Variants in RIMBP2 observed in about 807,000 individuals in gnomAD.
RIMBP2 encodes RIMS-binding protein 2.
RIMBP2 carries 48 observed loss-of-function variants against 118.6 expected under a neutral mutation model. The ratio of observed to expected loss-of-function variants is 0.40; its 90% CI spans 0.32 to 0.51. RIMBP2 has a LOEUF of 0.51. Ranked by LOEUF, RIMBP2 falls within the 20% of genes least tolerant of loss-of-function variation. RIMBP2 has a pLI of 0.41. For synonymous variants in RIMBP2, 762 were observed against 742.9 expected (o/e 1.03, Z -0.42); for missense variants, 1,551 against 1,768.3 (o/e 0.88, Z 2.20).
intron 1 of RIMBP2, among the ~76,000 whole-genome samples, chr12:130,672,871 C>T (rs956564678): frequency 3.3e-5 from 5 of 152,188 alleles, no homozygotes; most frequent in Admixed American, 6.5e-5. Flanking sequence ...GAAAACACAG[C>T]GTTTACAGGC....
intron 18 of RIMBP2, 64 bp from the exon 19 acceptor site, chr12:130,412,851 C>T: frequency 2.7e-6 from 4 of 1,455,926 alleles, no homozygotes; most frequent in Non-Finnish European, 3.7e-6. Flanking sequence ...ACAATAGTCC[C>T]ACTGACGGTA....
intron 5 of RIMBP2, 60 bp from the exon 6 acceptor site, chr12:130,470,803 G>T: frequency 9.9e-7 from 1 of 1,005,252 alleles, no homozygotes; most frequent in South Asian, 5.1e-5. Context: ...AAGACAATCG[G>T]ATCAATGTCT....
chr12:130,589,829 T>C (rs1278722551), intron 2 of RIMBP2, among the ~76,000 whole-genome samples: 1 of 152,316 alleles, frequency 6.6e-6, no homozygotes, highest in African/African-American at 2.4e-5. Flanking sequence ...AGAGCCTACC[T>C]TGAAGCCAGG....
At chr12:130,709,842 C>T (rs1949776266) in intron 1 of RIMBP2, among the ~76,000 whole-genome samples, 1 of 152,146 alleles carries the variant, frequency 6.6e-6, no homozygotes. Context: ...CACCCCCAGG[C>T]CCCCTCAGGA....
intron 2 of RIMBP2, among the ~76,000 whole-genome samples, chr12:130,605,297 CTGAT>C (rs1257739080): frequency 2.0e-5 from 3 of 152,140 alleles, no homozygotes; most frequent in Non-Finnish European, 2.9e-5. Context: ...CTTGTAATGC[CTGAT>C]TTATTTTTAA....
chr12:130,398,447 A>C (rs1421583368), intron 22 of RIMBP2: 1 of 152,704 alleles, frequency 6.5e-6, no homozygotes, highest in African/African-American at 2.4e-5. Context: ...AGCATCCCAA[A>C]GTACACCTGA....
rs554655450 is a variant in RIMBP2 at position 130,608,074 on chromosome 12, G to A, written c.-217+20248C>T. On this transcript the variant is annotated intron_variant, in intron 2 of 22. Coordinates refer to ENST00000690449, the MANE Select transcript of RIMBP2 (RefSeq NM_001393629.1). Reference sequence around the variant, plus strand: ...TCCTTGATTCACTCAAAGATTCAGCGTCCTAGGACAGCGCTTCCAGTCAAC... The same window carrying A: ...TCCTTGATTCACTCAAAGATTCAGCATCCTAGGACAGCGCTTCCAGTCAAC... 8.5e-5 allele frequency among the ~76,000 whole-genome samples: 13 copies of A among 152,264 alleles called. No individual in the cohort carries two copies. The South Asian group carries it at 1.0e-3, about 12-fold the overall frequency.
At chr12:130,412,848 T>G in intron 18 of RIMBP2, 61 bp from the exon 19 acceptor site, 5 of 1,469,810 alleles carry the variant, frequency 3.4e-6, no homozygotes, top group Non-Finnish European at 3.7e-6. Context: ...AATACAATAG[T>G]CCCACTGACG....
chr12:130,441,317 C>T (rs1373879075), intron 11 of RIMBP2, among the ~76,000 whole-genome samples: 1 of 151,540 alleles, frequency 6.6e-6, no homozygotes, highest in East Asian at 1.9e-4. Context: ...AGGAGAATCG[C>T]TTGAAATTGG....
At position 130,506,713 on chromosome 12, in the gene RIMBP2, C is replaced by T. The variant is rs543360429; in HGVS notation, c.-69G>A. 5.1e-6 allele frequency: 5 copies of T among 985,738 alleles called. No individual in the cohort carries two copies. Among genetic ancestry groups the T allele is most frequent in the Non-Finnish European group, 6.0e-6 (5 of 829,942 alleles). The allele number at this position is 985,738 out of a possible 1,614,324, so 61.1% of individuals were successfully genotyped here. A position where few individuals can be genotyped will look rare whatever the true frequency, so the allele number is the denominator to read the frequency against. ...TGGTGTTTCTCCTTCACGGCCAAATCGCGCTCTCTGGTCACGAGGGTGAGC... is the reference window on the plus strand; with the variant it reads ...TGGTGTTTCTCCTTCACGGCCAAATTGCGCTCTCTGGTCACGAGGGTGAGC... On this transcript the variant is annotated 5_prime_UTR_variant, in exon 4 of 23. Coordinates refer to ENST00000690449, the MANE Select transcript of RIMBP2 (RefSeq NM_001393629.1).
chr12:130,442,687 A>C lies in RIMBP2; in HGVS notation c.692-27T>G, dbSNP rs749167434. 1 of 1,591,000 alleles carries C rather than the reference A, an allele frequency of 6.3e-7. No homozygotes were observed. ...TGTTGGGTACAAGGACAGAGTTATC[A>C]CCCAGCCAACACAGCAGGGGCCTCG... On this transcript the variant is annotated intron_variant, in intron 10 of 22. Transcript: ENST00000690449. This position sits in a 1 kb window ranked among gnomAD's most constrained non-coding sequence, Gnocchi z 6.9.
chr12:130,402,851 G>T (rs1381597858), intron 21 of RIMBP2, among the ~76,000 whole-genome samples: 1 of 152,196 alleles, frequency 6.6e-6, no homozygotes. Context: ...GACATAGGAA[G>T]GTACAGGATT....
intron 1 of RIMBP2, among the ~76,000 whole-genome samples, chr12:130,678,360 A>G (rs2064600740): frequency 6.6e-6 from 1 of 152,244 alleles, no homozygotes; most frequent in Non-Finnish European, 1.5e-5. Flanking sequence ...CCGTCAGCGG[A>G]TAGGTGGACG....
chr12:130,416,140 C>T (rs939390798), intron 17 of RIMBP2, among the ~76,000 whole-genome samples: 6 of 152,176 alleles, frequency 3.9e-5, no homozygotes, highest in Admixed American at 2.0e-4. Context: ...ATTAAAGTAG[C>T]CATATTGCCC....
chr12:130,408,196 C>T (rs112808046), intron 19 of RIMBP2, among the ~76,000 whole-genome samples: 4 of 152,292 alleles, frequency 2.6e-5, no homozygotes, highest in African/African-American at 7.2e-5. Flanking sequence ...GCAGAGTGCA[C>T]GGTTGTGACA....
At chr12:130,454,319 ACATT>A (rs1258152852) in intron 7 of RIMBP2, among the ~76,000 whole-genome samples, 4 of 152,268 alleles carry the variant, frequency 2.6e-5, no homozygotes, top group Non-Finnish European at 5.9e-5. Context: ...ATAAGTAAAC[ACATT>A]CAGAGAGTGG....
At chr12:130,521,845 G>C (rs2052159814) in intron 2 of RIMBP2, among the ~76,000 whole-genome samples, 1 of 152,180 alleles carries the variant, frequency 6.6e-6, no homozygotes, top group South Asian at 2.1e-4. Flanking sequence ...TCCAGGGAAG[G>C]ACATGTAAGC....
intron 17 of RIMBP2, among the ~76,000 whole-genome samples, chr12:130,418,590 A>G (rs757981263): frequency 1.3e-5 from 2 of 152,138 alleles, no homozygotes; most frequent in Non-Finnish European, 2.9e-5. Flanking sequence ...CTCTGGCTAC[A>G]CCATTTTCCA....
At chr12:130,460,873 C>T (rs1040143370) in intron 6 of RIMBP2, among the ~76,000 whole-genome samples, 1 of 152,150 alleles carries the variant, frequency 6.6e-6, no homozygotes, top group African/African-American at 2.4e-5. Flanking sequence ...TGAGCCCCGT[C>T]CCACAGTCCC....
Sources: allele counts gnomAD v4.1 joint callset (sites outside exome capture counted in the v4.1 genomes callset), GRCh38; gene constraint gnomAD v4.1.1; non-coding constraint Gnocchi (gnomAD v3.1); transcripts MANE v1.5; gene names NCBI Gene and HGNC (gene_info 2026-07-23, HGNC 2026-07-21).